Variants in ST7 observed in about 807,000 individuals in gnomAD.
ST7 encodes suppression of tumorigenicity 7.
In ST7, 28 loss-of-function variants were observed where a neutral mutation model predicts 78.7. The ratio of observed to expected loss-of-function variants is 0.36; its 90% CI spans 0.26 to 0.49. The LOEUF (loss-of-function observed/expected upper bound fraction) is 0.49. Among genes scored for constraint, ST7 ranks in the 20% least tolerant of loss-of-function variants. The pLI, the probability that ST7 is intolerant of heterozygous loss-of-function variation, is 0.99. For missense variants in ST7, 418 were observed against 696.0 expected, an observed-to-expected ratio of 0.60 and a Z score of 4.49; for synonymous variants, 247 against 249.6, an observed-to-expected ratio of 0.99 and a Z score of 0.10.
chr7:117,180,302 A>G (rs1808650516), intron 10 of ST7, among the ~76,000 whole-genome samples: 1 of 152,146 alleles, frequency 6.6e-6, no homozygotes, highest in South Asian at 2.1e-4. Flanking sequence ...AAAAATGTGG[A>G]AGAGGGGAAC....
intron 1 of ST7, among the ~76,000 whole-genome samples, chr7:117,016,063 A>G (rs894956668): frequency 1.3e-5 from 2 of 152,232 alleles, no homozygotes; most frequent in Admixed American, 1.3e-4. Flanking sequence ...TGCTATTTAA[A>G]GGACTTCTGT....
chr7:117,107,968 C>G (rs1192048778), intron 2 of ST7, among the ~76,000 whole-genome samples: 1 of 151,982 alleles, frequency 6.6e-6, no homozygotes, highest in Non-Finnish European at 1.5e-5. Context: ...TATTTGAAAT[C>G]CTTGTAGATT....
intron 1 of ST7, among the ~76,000 whole-genome samples, chr7:116,958,162 A>ATTTTTTTTTTTTTTTTTTTTTTTTTTT (rs34132237): frequency 1.0e-5 from 1 of 95,614 alleles, no homozygotes; most frequent in Non-Finnish European, 1.9e-5. Flanking sequence ...TGCGTGGCTA[A>ATTTTTTTTTTTTTTTTTTTTTTTTTTT]TTTTTTTTTT....
intron 1 of ST7, among the ~76,000 whole-genome samples, chr7:117,022,300 A>G (rs988784964): frequency 1.2e-4 from 18 of 152,330 alleles, no homozygotes; most frequent in African/African-American, 4.3e-4. Flanking sequence ...GTGAGTGTTA[A>G]GCTCTGTTTC....
intron 1 of ST7, among the ~76,000 whole-genome samples, chr7:117,082,065 G>C (rs1481329798): frequency 6.6e-6 from 1 of 152,176 alleles, no homozygotes. Flanking sequence ...AGAAGCCTCA[G>C]CTCTGCTGTT....
intron 9 of ST7, among the ~76,000 whole-genome samples, chr7:117,162,391 C>T (rs1280839942): frequency 6.6e-6 from 1 of 151,738 alleles, no homozygotes; most frequent in Admixed American, 6.6e-5. Context: ...AAGTTCTAAC[C>T]CATTTCTTTT....
At chr7:117,014,639 A>G (rs908883683) in intron 1 of ST7, among the ~76,000 whole-genome samples, 3 of 152,254 alleles carry the variant, frequency 2.0e-5, no homozygotes, top group African/African-American at 7.2e-5. Context: ...ACTAGGAAGA[A>G]GTATGGATAT....
At chr7:117,112,618 G>A (rs1354442417) in intron 2 of ST7, 2 of 152,150 alleles carry the variant, frequency 1.3e-5, no homozygotes, top group African/African-American at 2.4e-5. Context: ...ACAGCACTCA[G>A]GTAGCACTTT....
chr7:117,076,819 A>G (rs1245750451), intron 1 of ST7, among the ~76,000 whole-genome samples: 1 of 152,198 alleles, frequency 6.6e-6, no homozygotes, highest in African/African-American at 2.4e-5. Context: ...TTAAGTGTTA[A>G]CAGCTCAGAG....
chr7:117,022,862 T>G (rs1425983532), intron 1 of ST7: 1 of 152,204 alleles, frequency 6.6e-6, no homozygotes, highest in Non-Finnish European at 1.5e-5. Context: ...TAAGTCTAGG[T>G]GTGCAGCTCA....
At chr7:116,981,107 T>C (rs1249243614) in intron 1 of ST7, among the ~76,000 whole-genome samples, 2 of 151,930 alleles carry the variant, frequency 1.3e-5, no homozygotes, top group Non-Finnish European at 2.9e-5. Flanking sequence ...ATTTGTTCAG[T>C]AGTTTTGTTT....
At chr7:116,976,915 A>G (rs1793733124) in intron 1 of ST7, among the ~76,000 whole-genome samples, 1 of 152,172 alleles carries the variant, frequency 6.6e-6, no homozygotes, top group African/African-American at 2.4e-5. Flanking sequence ...TTTAATTTTC[A>G]TTTCCAATTA....
At chr7:117,100,554 T>A (rs1222185486) in intron 2 of ST7, among the ~76,000 whole-genome samples, 7 of 152,148 alleles carry the variant, frequency 4.6e-5, no homozygotes, top group African/African-American at 1.4e-4. Context: ...AGTTTTTTTT[T>A]AAATGTATTG....
chr7:117,153,941 T>C (rs554392915), intron 9 of ST7, among the ~76,000 whole-genome samples: 21 of 152,190 alleles, frequency 1.4e-4, no homozygotes, highest in African/African-American at 4.8e-4. Context: ...GGGAAAATAC[T>C]GAAAAGCAAG....
intron 2 of ST7, among the ~76,000 whole-genome samples, chr7:117,105,914 C>T (rs1187575321): frequency 6.6e-6 from 1 of 152,146 alleles, no homozygotes; most frequent in East Asian, 1.9e-4. Context: ...TCATTCATCC[C>T]TAAGCCATTC....
chr7:117,177,341 A>G (rs1422023141), intron 10 of ST7, among the ~76,000 whole-genome samples: 1 of 152,230 alleles, frequency 6.6e-6, no homozygotes, highest in African/African-American at 2.4e-5. Flanking sequence ...GAATGCATAC[A>G]TCTGTAATTC....
chr7:117,102,441 T>C (rs915183399), intron 2 of ST7, among the ~76,000 whole-genome samples: 2 of 152,086 alleles, frequency 1.3e-5, no homozygotes, highest in Non-Finnish European at 2.9e-5. Flanking sequence ...ATCTAGGGGA[T>C]TGAGGGCAGA....
At chr7:116,968,324 CT>C (rs1390860760) in intron 1 of ST7, 52 of 179,918 alleles carry the variant, frequency 2.9e-4, no homozygotes, top group African/African-American at 8.8e-4. Context: ...TCCTTCCTTC[CT>C]TCCTTTCCTC....
chr7:116,997,844 C>G (rs1794737364), intron 1 of ST7, among the ~76,000 whole-genome samples: 1 of 152,358 alleles, frequency 6.6e-6, no homozygotes, highest in South Asian at 2.1e-4. Context: ...GAGCTAGATA[C>G]AGAGTGCTGA....
Sources: gnomAD v4.1 joint callset for allele counts (sites outside exome capture counted in the v4.1 genomes callset) on GRCh38, gnomAD v4.1.1 for gene constraint, MANE v1.5 for transcripts, NCBI Gene and HGNC (gene_info 2026-07-23, HGNC 2026-07-21) for gene names.